IKZF3: variants seen among roughly 807,000 people sequenced by gnomAD.
IKZF3 encodes the protein IKAROS family zinc finger 3, also known as zinc finger protein Aiolos.
IKZF3 carries 10 observed loss-of-function variants against 49.0 expected under a neutral mutation model. The observed-to-expected ratio is 0.20, with a 90% confidence interval of 0.13 to 0.35. The LOEUF is 0.35. Among genes scored for constraint, IKZF3 ranks in the 10% least tolerant of loss-of-function variants. IKZF3 has a pLI of 1.00. For missense variants in IKZF3, 498 were observed against 664.8 expected (o/e 0.75, Z 2.76); for synonymous variants, 209 against 228.2 (o/e 0.92, Z 0.76).
intron 3 of IKZF3, among the ~76,000 whole-genome samples, chr17:39,814,226 C>T (rs919553101): frequency 2.6e-5 from 4 of 152,150 alleles, no homozygotes; most frequent in African/African-American, 9.7e-5. Flanking sequence ...ATCTAAGCAT[C>T]TACACTGCAC....
At chr17:39,794,663 T>C (rs537733595) in intron 3 of IKZF3, among the ~76,000 whole-genome samples, 95 of 152,340 alleles carry the variant, frequency 6.2e-4, no homozygotes, top group African/African-American at 2.2e-3. Context: ...AAGTCCAACA[T>C]GTTTCAAATT....
At chr17:39,863,254 G>C (rs1169013716) in intron 1 of IKZF3, among the ~76,000 whole-genome samples, 2 of 151,990 alleles carry the variant, frequency 1.3e-5, no homozygotes, top group African/African-American at 4.8e-5. Flanking sequence ...ATATACTCTA[G>C]AAATAAAGCT....
At chr17:39,831,984 AAC>A in intron 2 of IKZF3, 112 bp downstream of exon 2, 6 of 731,598 alleles carry the variant, frequency 8.2e-6, no homozygotes, top group Non-Finnish European at 1.1e-5. Flanking sequence ...TTTAAAAAAA[AAC>A]ACACACACAT....
chr17:39,844,917 TC>T (rs1217822825), intron 1 of IKZF3, among the ~76,000 whole-genome samples: 22 of 152,212 alleles, frequency 1.4e-4, no homozygotes, highest in Admixed American at 1.4e-3. Context: ...ATCTGTCTTT[TC>T]CCACAAGAAT....
At chr17:39,823,843 A>C (rs923827372) in intron 3 of IKZF3, among the ~76,000 whole-genome samples, 1 of 152,236 alleles carries the variant, frequency 6.6e-6, no homozygotes, top group African/African-American at 2.4e-5. Context: ...TCGGATGTCC[A>C]GACAGAAGTT....
intron 3 of IKZF3, among the ~76,000 whole-genome samples, chr17:39,811,865 G>C (rs1568008916): frequency 6.6e-6 from 1 of 152,126 alleles, no homozygotes; most frequent in South Asian, 2.1e-4. Context: ...ATGTCTTTGG[G>C]ACACAATCAA....
chr17:39,785,998 G>T (rs1041396483), intron 6 of IKZF3, among the ~76,000 whole-genome samples: 1 of 152,198 alleles, frequency 6.6e-6, no homozygotes, highest in Non-Finnish European at 1.5e-5. Flanking sequence ...GAAATGTCCA[G>T]AACAGGCAAA....
intron 1 of IKZF3, among the ~76,000 whole-genome samples, chr17:39,849,476 T>C (rs189983757): frequency 6.6e-6 from 1 of 151,778 alleles, no homozygotes; most frequent in African/African-American, 2.4e-5. Flanking sequence ...CTGGCCAACA[T>C]GGTGAAACTC....
Position 39,765,653 on chromosome 17 carries a change from A to T in IKZF3, c.*137T>A, listed in dbSNP as rs2060270421. ...GAAGGAAGACAGTGTTTCCCTGGCTACCCCTGTGAACACAGCTAAAAATGG... is the reference window on the plus strand; with the variant it reads ...GAAGGAAGACAGTGTTTCCCTGGCTTCCCCTGTGAACACAGCTAAAAATGG... On this transcript the variant is annotated 3_prime_UTR_variant, in exon 8 of 8. Transcript: ENST00000346872. 1.6e-6 allele frequency: 1 copy of T among 608,032 alleles called. No individual in the cohort carries two copies. The highest frequency in any genetic ancestry group is 2.8e-6 in the Non-Finnish European group (1 of 351,828). The allele number at this position is 608,032 out of a possible 1,614,324, so 37.7% of individuals were successfully genotyped here.
intron 1 of IKZF3, among the ~76,000 whole-genome samples, chr17:39,841,005 C>T (rs755364629): frequency 1.3e-5 from 2 of 151,910 alleles, no homozygotes; most frequent in Admixed American, 6.6e-5. Context: ...GGCGAAACCC[C>T]ATCTCTACGA....
intron 6 of IKZF3, among the ~76,000 whole-genome samples, chr17:39,782,654 T>C (rs1016422531): frequency 3.9e-5 from 6 of 152,088 alleles, no homozygotes; most frequent in African/African-American, 1.4e-4. Context: ...TTTGGCAAGA[T>C]AGTAAGGGAA....
intron 1 of IKZF3, among the ~76,000 whole-genome samples, chr17:39,844,558 C>T (rs191683117): frequency 6.6e-4 from 100 of 152,246 alleles, no homozygotes; most frequent in African/African-American, 2.2e-3. Context: ...TTTCCTCTTA[C>T]CTGCTTTATT....
Position 39,761,895 on chromosome 17 carries a change from G to A in IKZF3, c.*3895C>T, listed in dbSNP as rs772618704. ...AATTTTGTATTTTTAGTAGAGATGG[G>A]GGTTTCTCCATGTTGGTCAGGCAGG... is the stretch of plus-strand genomic sequence containing the variant. On this transcript the variant is annotated 3_prime_UTR_variant, in exon 8 of 8. Transcript: ENST00000346872. 6.6e-6 allele frequency: 1 copy of A among 152,430 alleles called. No homozygotes were observed. Among genetic ancestry groups the A allele is most frequent in the Admixed American group, 6.5e-5 (1 of 15,304 alleles). 9.4% of individuals were successfully genotyped at this position (152,430 alleles called of 1,614,324 possible).
chr17:39,776,352 C>A (rs2060588739), intron 7 of IKZF3, among the ~76,000 whole-genome samples: 1 of 152,158 alleles, frequency 6.6e-6, no homozygotes, highest in African/African-American at 2.4e-5. Flanking sequence ...ATAAGTAAAG[C>A]CCAAAAGATA....
At chr17:39,856,076 T>TATATGTACAATATAACATGTATATTGC in intron 1 of IKZF3, among the ~76,000 whole-genome samples, 1 of 149,968 alleles carries the variant, frequency 6.7e-6, no homozygotes, top group South Asian at 2.1e-4. Context: ...ATGTATATTG[T>TATATGTACAATATAACATGTATATTGC]ATATGTACAA....
intron 6 of IKZF3, among the ~76,000 whole-genome samples, chr17:39,781,543 C>A (rs2060741310): frequency 6.6e-6 from 1 of 152,192 alleles, no homozygotes; most frequent in South Asian, 2.1e-4. Flanking sequence ...CCTCTCACTG[C>A]CAAATCATTA....
intron 3 of IKZF3, among the ~76,000 whole-genome samples, chr17:39,804,951 A>G (rs1483722732): frequency 6.6e-6 from 1 of 152,004 alleles, no homozygotes; most frequent in Non-Finnish European, 1.5e-5. Flanking sequence ...TCAAATTTTT[A>G]TTTCCGGTAG....
intron 4 of IKZF3, among the ~76,000 whole-genome samples, chr17:39,792,400 T>C (rs1409995406): frequency 6.6e-6 from 1 of 152,248 alleles, no homozygotes; most frequent in Non-Finnish European, 1.5e-5. Context: ...ATTCAACTCC[T>C]ACTTAGAAAC....
At chr17:39,828,888 C>CCCT (rs2144280180) in intron 3 of IKZF3, among the ~76,000 whole-genome samples, 1 of 152,030 alleles carries the variant, frequency 6.6e-6, no homozygotes, top group South Asian at 2.1e-4. Context: ...GTAATCTCGG[C>CCCT]TATTTGGGAG....
Sources: gnomAD v4.1 joint callset for allele counts (sites outside exome capture counted in the v4.1 genomes callset) on GRCh38, gnomAD v4.1.1 for gene constraint, MANE v1.5 for transcripts, NCBI Gene and HGNC (gene_info 2026-07-23, HGNC 2026-07-21) for gene names.